The following SLC6A18 variants were observed in gnomAD, a reference collection of about 807,000 sequenced individuals.
The protein encoded by SLC6A18 is solute carrier family 6 member 18.
Under a neutral mutation model 62.9 loss-of-function variants are expected in SLC6A18, and 58 were observed. The ratio of observed to expected loss-of-function variants is 0.92; its 90% CI spans 0.75 to 1.15. The LOEUF (loss-of-function observed/expected upper bound fraction) is 1.15. SLC6A18 is among the 50% of genes most tolerant of loss of function. The pLI, the probability that SLC6A18 is intolerant of heterozygous loss-of-function variation, is 0.00. For synonymous variants in SLC6A18, 382 were observed against 365.8 expected, an observed-to-expected ratio of 1.04 and a Z score of -0.51; for missense variants, 793 against 836.6, an observed-to-expected ratio of 0.95 and a Z score of 0.64.
At chr5:1,236,959 C>T (rs1028389336) in intron 4 of SLC6A18, among the ~76,000 whole-genome samples, 8 of 152,010 alleles carry the variant, frequency 5.3e-5, no homozygotes, top group Non-Finnish European at 1.5e-5. Flanking sequence ...CCAAGCTGGG[C>T]ACAGTGGCTC....
intron 6 of SLC6A18, among the ~76,000 whole-genome samples, chr5:1,239,988 C>G (rs60021514): frequency 0.29 from 44,486 of 152,200 alleles, 6,733 homozygotes; most frequent in Middle Eastern, 0.42. Flanking sequence ...TGAAACAAGC[C>G]TTATTTCCCG....
At position 1,232,882 on chromosome 5, in the gene SLC6A18, A is replaced by G; in HGVS notation, c.433A>G (p.Arg145Gly). The change falls in exon 3 of 12, where the codon AGA (arginine) becomes GGA (glycine). Residue 145 changes from arginine (R) to glycine (G), a missense_variant. By Grantham distance (125) the Arg-to-Gly change is moderately radical (BLOSUM62 -2). Transcript: ENST00000324642. ...GAGCTCCTGCCCACCGGACCTCAAC[A>G]GAACAGGTGAGCTGGGCGCCGCCTG... ...PWSSCPPDLNRTGFVEECQGS... is the reference protein window; with the variant it reads ...PWSSCPPDLNGTGFVEECQGS... 6.2e-7 allele frequency: 1 copy of G among 1,610,130 alleles called. No individual in the cohort carries two copies. The highest frequency in any genetic ancestry group is 8.5e-7 in the Non-Finnish European group (1 of 1,178,072).
rs570852206 is a variant in SLC6A18 at position 1,238,093 on chromosome 5, C to T, written c.732+33C>T. 46 of 1,512,540 alleles carry T rather than the reference C, an allele frequency of 3.0e-5. No homozygotes were observed. In the South Asian group the frequency reaches 4.8e-4, roughly 16 times the overall value. 93.7% of individuals were successfully genotyped at this position (1,512,540 alleles called of 1,614,324 possible). ...GGTCTTGGATCAAAGTTCAGGGCCT[C>T]CAGCACACACATTTCAGGGCTGTGG... is the stretch of plus-strand genomic sequence containing the variant. On this transcript the variant is annotated intron_variant, in intron 5 of 11. Transcript: ENST00000324642.
intron 1 of SLC6A18, among the ~76,000 whole-genome samples, chr5:1,231,008 G>A (rs1746717784): frequency 6.6e-6 from 1 of 152,202 alleles, no homozygotes; most frequent in Non-Finnish European, 1.5e-5. Flanking sequence ...GCAGCGTAGT[G>A]ATGCCCATGG....
rs147352742 is a variant in SLC6A18, at chr5:1,232,353, G to A, written c.295G>A (p.Gly99Arg). The change falls in exon 2 of 12, where the codon GGA (glycine) becomes AGA (arginine). Residue 99 changes from glycine (G) to arginine (R), a missense_variant. Physicochemically the swap from Gly to Arg is moderately radical, Grantham distance 125. Transcript: ENST00000324642. ...VWTAISPYLS[G>R]VGLGCVTLSF... ...GACGGCCATCTCCCCGTACCTCAGT[G>A]GAGTAGGTAGGCCACCGTCCTCGCT... 2,522 of 1,609,932 alleles carry A rather than the reference G, an allele frequency of 1.6e-3. 4 individuals carry two copies. The highest frequency in any genetic ancestry group is 2.0e-3 in the Non-Finnish European group (2,317 of 1,179,144).
Position 1,240,582 on chromosome 5 carries a change from C to T in SLC6A18, c.897C>T (p.Thr299=), listed in dbSNP as rs1205099234. The change falls in exon 7 of 12, where the codon ACC becomes ACT. Residue 299 remains threonine (T), a synonymous_variant. Transcript: ENST00000324642. ...TCATCGCCCTGGTCAACAGGATGAC[C>T]TCCCTGTACGCGTCCATCGCTGTCT... ...AVVIALVNRM[T]SLYASIAVFS... The T allele has an allele frequency of 1.2e-6, 2 of 1,614,192 alleles. No homozygotes were observed. The highest frequency in any genetic ancestry group is 1.7e-6 in the Non-Finnish European group (2 of 1,180,036).
chr5:1,242,222 G>A (rs188260531), intron 7 of SLC6A18, among the ~76,000 whole-genome samples: 37 of 152,348 alleles, frequency 2.4e-4, no homozygotes, highest in African/African-American at 8.9e-4. Flanking sequence ...CCATGGGGGA[G>A]TGCTCCCCTT....
At chr5:1,227,087 CG>C (rs879535930) in intron 1 of SLC6A18, among the ~76,000 whole-genome samples, 39,875 of 136,850 alleles carry the variant, frequency 0.29, 5,826 homozygotes, top group East Asian at 0.32. Context: ...TGCCCGCCGA[CG>C]CCTTGCCCGC....
chr5:1,228,980 C>T (rs548245579), intron 1 of SLC6A18, among the ~76,000 whole-genome samples: 6 of 152,360 alleles, frequency 3.9e-5, no homozygotes, highest in Admixed American at 1.3e-4. Flanking sequence ...TCTCTTCCTG[C>T]GCATTCAACG....
intron 1 of SLC6A18, among the ~76,000 whole-genome samples, chr5:1,229,052 C>G (rs12522796): frequency 6.6e-6 from 1 of 152,102 alleles, no homozygotes; most frequent in Non-Finnish European, 1.5e-5. Flanking sequence ...CCGTGCTGGA[C>G]TTGGGTTGGC....
chr5:1,230,015 G>A (rs529898361), intron 1 of SLC6A18, among the ~76,000 whole-genome samples: 17 of 145,514 alleles, frequency 1.2e-4, no homozygotes, highest in African/African-American at 3.5e-4. Context: ...GCTGGAGGTG[G>A]GGGAAGAAGA....
Position 1,225,573 on chromosome 5 carries a change from T to A in SLC6A18, c.96T>A (p.Thr32=), listed in dbSNP as rs7728814. Residue 32 remains threonine (T), a synonymous_variant, in exon 1 of 12, where the codon ACT becomes ACA. Coordinates refer to ENST00000324642, the MANE Select transcript of SLC6A18 (RefSeq NM_182632.3). The stretch of plus-strand genomic sequence containing the variant: ...AGGCCCAGTACCTCCTGAGCTGCAC[T>A]GGGTTTGCCGTGGGACTGGGGAACA... The part of the protein sequence containing the change: ...DNKAQYLLSC[T]GFAVGLGNIW... 0.01 allele frequency: 16,383 copies of A among 1,612,404 alleles called. 818 individuals carry two copies. In the African/African-American group the frequency reaches 0.12, roughly 12 times the overall value.
intron 1 of SLC6A18, 135 bp downstream of exon 1, chr5:1,225,772 GC>G: frequency 9.1e-7 from 1 of 1,097,636 alleles, no homozygotes; most frequent in Non-Finnish European, 1.3e-6. Flanking sequence ...GTGCACCATT[GC>G]CCACGGCAGA....
rs1215372337 is a variant in SLC6A18, at chr5:1,241,782, G to A, written c.975-925G>A. On this transcript the variant is annotated intron_variant, in intron 7 of 11. Transcript: ENST00000324642. This position sits in a 1 kb window ranked among gnomAD's most constrained non-coding sequence, Gnocchi z 7.8. ...CTGATTTCTGCTCACTCTGAATGTC[G>A]CAAGTAACTGTAAAAGTGCGCAAAT... Among the ~76,000 whole-genome samples, 4 of 152,188 alleles carry A rather than the reference G, an allele frequency of 2.6e-5. No homozygotes were observed. Among genetic ancestry groups the A allele is most frequent in the Non-Finnish European group, 4.4e-5 (3 of 68,032 alleles).
chr5:1,230,727 G>C (rs1348402906), intron 1 of SLC6A18, among the ~76,000 whole-genome samples: 1 of 152,204 alleles, frequency 6.6e-6, no homozygotes, highest in Non-Finnish European at 1.5e-5. Context: ...GCCAGGCGCG[G>C]AGACGCACGG....
rs376134763 is a variant in SLC6A18, at chr5:1,239,537, G to A, written c.820G>A (p.Ala274Thr). 2.5e-5 allele frequency: 40 copies of A among 1,614,054 alleles called. No individual in the cohort carries two copies. The Middle Eastern group carries it at 4.9e-4, about 20-fold the overall frequency. Reference protein sequence around the residue: ...SLSLAFGGHIAFASYNSPRND... With the variant: ...SLSLAFGGHITFASYNSPRND... ...GTCCCTGGCCTTCGGAGGACACATC[G>A]CTTTTGCAAGTTACAACTCGCCCAG... Residue 274 changes from alanine (A) to threonine (T), a missense_variant, in exon 6 of 12, where the codon GCT becomes ACT. Transcript: ENST00000324642.
intron 2 of SLC6A18, 27 bp from the exon 3 acceptor site, chr5:1,232,724 G>C (rs761814231): frequency 6.3e-7 from 1 of 1,581,764 alleles, no homozygotes; most frequent in South Asian, 1.1e-5. Flanking sequence ...GAGCCCCGGG[G>C]CCACCTGACA....
intron 5 of SLC6A18, among the ~76,000 whole-genome samples, chr5:1,238,330 GAGTGA>G (rs1746948759): frequency 8.0e-6 from 1 of 124,390 alleles, no homozygotes; most frequent in African/African-American, 2.9e-5. Flanking sequence ...ATCAGGTTTG[GAGTGA>G]GCCTGGGGCC....
At chr5:1,230,104 C>G (rs915670822) in intron 1 of SLC6A18, among the ~76,000 whole-genome samples, 1 of 145,182 alleles carries the variant, frequency 6.9e-6, no homozygotes, top group South Asian at 2.2e-4. Flanking sequence ...AAGAAGGGCT[C>G]TAACGGTACA....
Sources: allele counts gnomAD v4.1 joint callset (sites outside exome capture counted in the v4.1 genomes callset), GRCh38; gene constraint gnomAD v4.1.1; non-coding constraint Gnocchi (gnomAD v3.1); transcripts MANE v1.5; gene names NCBI Gene and HGNC (gene_info 2026-07-23, HGNC 2026-07-21).